The following TGDS variants were observed in gnomAD, a reference collection of about 807,000 sequenced individuals.
TGDS encodes TDP-glucose 4,6-dehydratase.
TGDS carries 47 observed loss-of-function variants against 52.3 expected under a neutral mutation model. That is an observed-to-expected ratio of 0.90 (90% CI 0.71 to 1.15). The LOEUF is 1.15. Ranked by LOEUF, TGDS falls within the 50% of genes most tolerant of loss-of-function variation. TGDS has a pLI of 0.00. For missense variants in TGDS, 375 were observed against 418.4 expected (o/e 0.90, Z 0.90); for synonymous variants, 115 against 136.9 (o/e 0.84, Z 1.12).
At chr13:94,575,421 C>G (rs2139511034) in intron 11 of TGDS, among the ~76,000 whole-genome samples, 1 of 151,454 alleles carries the variant, frequency 6.6e-6, no homozygotes, top group East Asian at 2.0e-4. Flanking sequence ...TCCTAAATAG[C>G]TAGGACTACA....
chr13:94,581,013 A>C (rs1403197607), intron 6 of TGDS, 78 bp downstream of exon 6: 1 of 872,984 alleles, frequency 1.1e-6, no homozygotes, highest in African/African-American at 1.8e-5. Flanking sequence ...GAAAAAAAGA[A>C]AAAAAAAAGC....
chr13:94,592,443 C>T lies in TGDS; in HGVS notation c.154-134G>A, dbSNP rs1889235351. ...AACATGTCCTCTTAAAGTGTGTTTGCTCCCTGTCTTTACACTACTTTTTTT... is the reference window on the plus strand; with the variant it reads ...AACATGTCCTCTTAAAGTGTGTTTGTTCCCTGTCTTTACACTACTTTTTTT... On this transcript the variant is annotated intron_variant, in intron 2 of 11. Coordinates refer to ENST00000261296, the MANE Select transcript of TGDS (RefSeq NM_014305.4). 3 of 674,526 alleles carry T rather than the reference C, an allele frequency of 4.4e-6. No homozygotes were observed. In the Admixed American group the frequency reaches 1.1e-4, roughly 24 times the overall value. The allele number at this position is 674,526 out of a possible 1,614,324, so 41.8% of individuals were successfully genotyped here. A position where few individuals can be genotyped will look rare whatever the true frequency, so the allele number is the denominator to read the frequency against.
At position 94,578,913 on chromosome 13, in the gene TGDS, C is replaced by T. The variant is rs1888698717; in HGVS notation, c.616-140G>A. The stretch of plus-strand genomic sequence containing the variant: ...TATTTTTATCAGTTTATTAAAAAAC[C>T]TACTATAGTATTTGATATGTAAAAG... On this transcript the variant is annotated intron_variant, in intron 7 of 11. Coordinates refer to ENST00000261296, the MANE Select transcript of TGDS (RefSeq NM_014305.4). The T allele has an allele frequency of 1.6e-5, 8 of 505,730 alleles. No homozygotes were observed. The South Asian group carries it at 2.2e-4, about 14-fold the overall frequency. 31.3% of individuals were successfully genotyped at this position (505,730 alleles called of 1,614,324 possible). A position where few individuals can be genotyped will look rare whatever the true frequency, so the allele number is the denominator to read the frequency against.
Position 94,578,098 on chromosome 13 carries a change from A to G in TGDS, c.732T>C (p.Thr244=), listed in dbSNP as rs1253948594. ...CACCTGGTTTCCCTTTTTTGAGGAC[A>G]GTGAGAAATGCTTCTACAACATCAG... ...YATDVVEAFL[T]VLKKGKPGEI... Residue 244 remains threonine, a synonymous_variant, in exon 9 of 12, where the codon ACT becomes ACC. Coordinates refer to ENST00000261296, the MANE Select transcript of TGDS (RefSeq NM_014305.4). 4 of 1,613,748 alleles carry G rather than the reference A, an allele frequency of 2.5e-6. No individual in the cohort carries two copies. The highest frequency in any genetic ancestry group is 3.3e-5 in the Admixed American group (2 of 60,002).
chr13:94,590,795 G>T, intron 4 of TGDS, 58 bp downstream of exon 4: 1 of 1,327,480 alleles, frequency 7.5e-7, no homozygotes, highest in Non-Finnish European at 1.0e-6. Context: ...TAAGTATTAG[G>T]GGGGCGAGGG....
At chr13:94,587,928 C>T (rs1230839356) in intron 4 of TGDS, among the ~76,000 whole-genome samples, 15 of 140,782 alleles carry the variant, frequency 1.1e-4, no homozygotes, top group Non-Finnish European at 2.3e-4. Context: ...ACCCAGGAGG[C>T]AGAGCTTGCA....
At chr13:94,588,160 C>T (rs1027931640) in intron 4 of TGDS, among the ~76,000 whole-genome samples, 1 of 151,400 alleles carries the variant, frequency 6.6e-6, no homozygotes, top group Non-Finnish European at 1.5e-5. Context: ...AATCCCAGCA[C>T]TTTGGGAGGC....
intron 11 of TGDS, among the ~76,000 whole-genome samples, chr13:94,576,002 C>T (rs1294568862): frequency 6.6e-6 from 1 of 152,040 alleles, no homozygotes; most frequent in Non-Finnish European, 1.5e-5. Context: ...AATTATAAGA[C>T]ACCAGTGATT....
rs7333594 is a variant in TGDS, at chr13:94,579,650, T to C, written c.615+244A>G. Reference sequence around the variant, plus strand: ...GGTATTTTCACATATATCATTCTCATTGGATCTTTCAAAATCCCTGCTAAG... The same window carrying C: ...GGTATTTTCACATATATCATTCTCACTGGATCTTTCAAAATCCCTGCTAAG... On this transcript the variant is annotated intron_variant, in intron 7 of 11. Transcript: ENST00000261296. The C allele has an allele frequency of 6.4e-4, 234 of 363,496 alleles. 4 individuals are homozygous for C. In the South Asian group the frequency reaches 7.1e-3, roughly 11 times the overall value. The allele number at this position is 363,496 out of a possible 1,614,324, so 22.5% of individuals were successfully genotyped here. A position where few individuals can be genotyped will look rare whatever the true frequency, so the allele number is the denominator to read the frequency against.
At chr13:94,590,572 T>G (rs1237513423) in intron 4 of TGDS, among the ~76,000 whole-genome samples, 3 of 152,056 alleles carry the variant, frequency 2.0e-5, no homozygotes, top group Non-Finnish European at 4.4e-5. Context: ...AAAAACAACA[T>G]AAAAAATACA....
At chr13:94,583,648 C>G (rs1358216207) in intron 4 of TGDS, among the ~76,000 whole-genome samples, 3 of 152,018 alleles carry the variant, frequency 2.0e-5, no homozygotes, top group African/African-American at 7.2e-5. Flanking sequence ...AGAATTGAAC[C>G]TCTATAACCA....
At chr13:94,590,412 A>G (rs1889155350) in intron 4 of TGDS, among the ~76,000 whole-genome samples, 1 of 151,910 alleles carries the variant, frequency 6.6e-6, no homozygotes, top group South Asian at 2.1e-4. Flanking sequence ...TGACAGATAC[A>G]TGGGTACTCC....
intron 4 of TGDS, 31 bp from the exon 5 acceptor site, chr13:94,583,267 G>A: frequency 6.2e-7 from 1 of 1,604,882 alleles, no homozygotes. Flanking sequence ...GCTAAAACAA[G>A]TCTACCCAAC....
chr13:94,589,288 A>G (rs1416253796), intron 4 of TGDS, among the ~76,000 whole-genome samples: 1 of 151,186 alleles, frequency 6.6e-6, no homozygotes, highest in Non-Finnish European at 1.5e-5. Flanking sequence ...AAAAAGGTAA[A>G]CAATCCCATT....
chr13:94,581,224 T>C (rs370392241), intron 5 of TGDS, 35 bp from the exon 6 acceptor site: 9 of 1,361,232 alleles, frequency 6.6e-6, no homozygotes, highest in Admixed American at 4.2e-5. Context: ...AAAAGTGTTA[T>C]GCATATTTTA....
intron 2 of TGDS, among the ~76,000 whole-genome samples, chr13:94,592,845 T>C (rs1035895300): frequency 6.6e-6 from 1 of 152,140 alleles, no homozygotes; most frequent in Non-Finnish European, 1.5e-5. Flanking sequence ...AAAAACCTTT[T>C]CATAAATCTC....
chr13:94,591,905 T>C (rs1462063083), intron 3 of TGDS, among the ~76,000 whole-genome samples: 1 of 152,248 alleles, frequency 6.6e-6, no homozygotes, highest in Non-Finnish European at 1.5e-5. Flanking sequence ...CTGTGGCTTA[T>C]ACTTTGGACT....
At chr13:94,585,880 G>A (rs1432263529) in intron 4 of TGDS, among the ~76,000 whole-genome samples, 1 of 151,602 alleles carries the variant, frequency 6.6e-6, no homozygotes, top group Non-Finnish European at 1.5e-5. Context: ...TAGGAAGAGG[G>A]CAAAGGTTTT....
At chr13:94,579,108 T>C (rs561951862) in intron 7 of TGDS, among the ~76,000 whole-genome samples, 10 of 152,216 alleles carry the variant, frequency 6.6e-5, no homozygotes, top group African/African-American at 1.7e-4. Flanking sequence ...GCTTTACATA[T>C]AGCACCTATG....
Sources: gnomAD v4.1 joint callset for allele counts (sites outside exome capture counted in the v4.1 genomes callset) on GRCh38, gnomAD v4.1.1 for gene constraint, MANE v1.5 for transcripts, NCBI Gene and HGNC (gene_info 2026-07-23, HGNC 2026-07-21) for gene names.